Variants in ABCC1 observed in about 807,000 individuals in gnomAD.
The protein encoded by ABCC1 is multidrug resistance-associated protein 1.
ABCC1 carries 83 observed loss-of-function variants against 172.9 expected under a neutral mutation model. That is an observed-to-expected ratio of 0.48 (90% CI 0.40 to 0.58). ABCC1 has a LOEUF of 0.58. Ranked by LOEUF, ABCC1 falls within the 20% of genes least tolerant of loss-of-function variation. ABCC1 has a pLI of 0.00. For synonymous variants in ABCC1, 937 were observed against 825.2 expected (o/e 1.14, Z -2.32); for missense variants, 1,817 against 2,002.7 (o/e 0.91, Z 1.77).
intron 7 of ABCC1, among the ~76,000 whole-genome samples, chr16:16,038,004 T>C (rs2048820775): frequency 6.6e-6 from 1 of 151,916 alleles, no homozygotes; most frequent in Non-Finnish European, 1.5e-5. Context: ...AAAGGTGGGG[T>C]CCCTGTTTAT....
intron 7 of ABCC1, among the ~76,000 whole-genome samples, chr16:16,038,505 T>C (rs2048840816): frequency 6.6e-6 from 1 of 152,152 alleles, no homozygotes; most frequent in South Asian, 2.1e-4. Context: ...TTGCCATTAC[T>C]CTGACTTTTT....
intron 5 of ABCC1, among the ~76,000 whole-genome samples, chr16:16,021,040 C>T (rs2048176123): frequency 6.6e-6 from 1 of 152,172 alleles, no homozygotes; most frequent in South Asian, 2.1e-4. Context: ...CTTCACGTGG[C>T]AGTATCCACC....
chr16:16,035,971 A>T (rs1025408717), intron 6 of ABCC1, among the ~76,000 whole-genome samples: 5 of 151,910 alleles, frequency 3.3e-5, no homozygotes, highest in Middle Eastern at 3.4e-3. Flanking sequence ...AAATAAAAAA[A>T]AAATTAGCCA....
chr16:16,034,091 A>G (rs1310479031), intron 6 of ABCC1, among the ~76,000 whole-genome samples: 1 of 123,468 alleles, frequency 8.1e-6, no homozygotes, highest in South Asian at 2.6e-4. Flanking sequence ...GCAGCGGCAC[A>G]CTTGTAGCTC....
chr16:15,962,751 C>T (rs1352224379), intron 1 of ABCC1, among the ~76,000 whole-genome samples: 1 of 152,216 alleles, frequency 6.6e-6, no homozygotes, highest in East Asian at 1.9e-4. Context: ...ATCTAATCAC[C>T]TCCAGTGAGG....
At chr16:16,135,536 A>T (rs145083045) in intron 28 of ABCC1, among the ~76,000 whole-genome samples, 1 of 152,128 alleles carries the variant, frequency 6.6e-6, no homozygotes, top group Admixed American at 6.5e-5. Flanking sequence ...GCTTACTGCA[A>T]CCTGCACCTC....
At chr16:16,037,130 C>T (rs1366049931) in intron 7 of ABCC1, among the ~76,000 whole-genome samples, 2 of 151,944 alleles carry the variant, frequency 1.3e-5, no homozygotes, top group East Asian at 3.9e-4. Context: ...AAAATGTTGT[C>T]CAAACAGGCA....
intron 22 of ABCC1, among the ~76,000 whole-genome samples, chr16:16,114,405 G>C (rs55658052): frequency 0.022 from 3,342 of 151,680 alleles, 61 homozygotes; most frequent in Middle Eastern, 0.041. Context: ...AGTGGACGCA[G>C]TCTTGGCTCA....
At chr16:16,131,527 A>G (rs2045671788) in intron 26 of ABCC1, among the ~76,000 whole-genome samples, 1 of 152,190 alleles carries the variant, frequency 6.6e-6, no homozygotes, top group African/African-American at 2.4e-5. Flanking sequence ...AGGGCTGGGG[A>G]CAGGCAGTGC....
chr16:16,106,105 G>A (rs1185247951), intron 20 of ABCC1, among the ~76,000 whole-genome samples: 1 of 151,944 alleles, frequency 6.6e-6, no homozygotes, highest in East Asian at 1.9e-4. Flanking sequence ...TTGAACTCCT[G>A]GCCTCAAGTG....
At chr16:16,134,636 T>G in intron 28 of ABCC1, 128 bp downstream of exon 28, 1 of 1,131,534 alleles carries the variant, frequency 8.8e-7, no homozygotes, top group African/African-American at 1.6e-5. Flanking sequence ...TTTTTTTTTT[T>G]TTTTTTTTTT....
intron 1 of ABCC1, among the ~76,000 whole-genome samples, chr16:15,979,283 C>G (rs2046564155): frequency 6.6e-6 from 1 of 151,820 alleles, no homozygotes; most frequent in Non-Finnish European, 1.5e-5. Context: ...GAGCAAGACT[C>G]TGTCTCAAAC....
At chr16:16,073,625 G>T (rs181297233) in intron 14 of ABCC1, among the ~76,000 whole-genome samples, 161 of 152,222 alleles carry the variant, frequency 1.1e-3, no homozygotes, top group Non-Finnish European at 1.9e-3. Flanking sequence ...CAGGCATGGT[G>T]GTGCACCTGT....
At chr16:16,132,411 C>T (rs780617790) in intron 27 of ABCC1, among the ~76,000 whole-genome samples, 16 of 151,252 alleles carry the variant, frequency 1.1e-4, no homozygotes, top group South Asian at 2.1e-4. Flanking sequence ...TGAGCTCAAC[C>T]GGTCTGCCCG....
At chr16:16,073,049 A>AT (rs201209207) in intron 14 of ABCC1, among the ~76,000 whole-genome samples, 3,676 of 105,486 alleles carry the variant, frequency 0.035, 51 homozygotes, top group Non-Finnish European at 0.044. Flanking sequence ...TCAAAAAAAA[A>AT]AAAAAAAATA....
intron 1 of ABCC1, among the ~76,000 whole-genome samples, chr16:15,978,982 A>G (rs1043761798): frequency 1.3e-5 from 2 of 152,174 alleles, no homozygotes; most frequent in African/African-American, 4.8e-5. Context: ...TAATAGCAAC[A>G]GGAGAAAACA....
rs1196408716 is a variant in ABCC1, at chr16:16,082,978, TTTTTA to T, written c.2116-386_2116-382del. 9.8e-5 allele frequency among the ~76,000 whole-genome samples: 15 copies of T among 152,324 alleles called. 1 individual carries two copies. Among genetic ancestry groups the T allele is most frequent in the African/African-American group, 3.6e-4 (15 of 41,586 alleles). On this transcript the variant is annotated intron_variant, in intron 16 of 30. Coordinates refer to ENST00000399410, the MANE Select transcript of ABCC1 (RefSeq NM_004996.4). ...AGACTCTTAAAAAGTGTCATATATC[TTTTTA>T]TCTTTGCGTCCACCGTAACTGTAAT...
At chr16:16,073,993 G>A (rs552859600) in intron 14 of ABCC1, among the ~76,000 whole-genome samples, 18 of 152,190 alleles carry the variant, frequency 1.2e-4, no homozygotes, top group Non-Finnish European at 2.2e-4. Flanking sequence ...AGCACCTGGT[G>A]CATAGAAGAT....
At chr16:16,051,360 TG>T (rs1355017841) in intron 10 of ABCC1, among the ~76,000 whole-genome samples, 1 of 151,654 alleles carries the variant, frequency 6.6e-6, no homozygotes, top group Non-Finnish European at 1.5e-5. Flanking sequence ...TTTGTAGAAA[TG>T]GGGGTCTTGC....
Sources: gnomAD v4.1 joint callset for allele counts (sites outside exome capture counted in the v4.1 genomes callset) on GRCh38, gnomAD v4.1.1 for gene constraint, MANE v1.5 for transcripts, NCBI Gene and HGNC (gene_info 2026-07-23, HGNC 2026-07-21) for gene names.